AGBL4: variants seen among roughly 807,000 people sequenced by gnomAD.
AGBL4 encodes AGBL carboxypeptidase 4.
In AGBL4, 58 loss-of-function variants were observed where a neutral mutation model predicts 66.4. The ratio of observed to expected loss-of-function variants is 0.87; its 90% confidence interval spans 0.71 to 1.09. The LOEUF (loss-of-function observed/expected upper bound fraction) is 1.09, where lower values mean the gene tolerates loss of function less well. Ranked by LOEUF, AGBL4 falls within the 50% of genes least tolerant of loss-of-function variation. The pLI is 0.00. For missense variants in AGBL4, 579 were observed against 631.0 expected (o/e 0.92, Z 0.88); for synonymous variants, 234 against 222.9 (o/e 1.05, Z -0.44).
chr1:49,432,536 T>C (rs752515797), intron 3 of AGBL4, among the ~76,000 whole-genome samples: 5 of 152,174 alleles, frequency 3.3e-5, no homozygotes, highest in African/African-American at 4.8e-5. Context: ...ATTTTTCCTA[T>C]GTATTCTTGC....
rs542066191 is a variant in AGBL4 at position 49,303,687 on chromosome 1, G to A, written c.283-57823C>T. 5.9e-5 allele frequency among the ~76,000 whole-genome samples: 9 copies of A among 151,854 alleles called. No homozygotes were observed. The South Asian group carries it at 1.9e-3, about 32-fold the overall frequency. On this transcript the variant is annotated intron_variant, in intron 3 of 13. Coordinates refer to ENST00000371839, the MANE Select transcript of AGBL4 (RefSeq NM_032785.4). ...GACAGAGTTTCACCACGTTGGCAAA[G>A]CTGATCTCAAACTCCTGGCCTCAAG...
At chr1:48,671,857 G>C (rs919255726) in intron 6 of AGBL4, among the ~76,000 whole-genome samples, 1 of 152,218 alleles carries the variant, frequency 6.6e-6, no homozygotes, top group African/African-American at 2.4e-5. Context: ...GGTTGAATGA[G>C]TGTACCCAGC....
In AGBL4 at chr1:49,673,443, T is replaced by C. The variant is rs374567403; in HGVS notation, c.282+23870A>G. 1.9e-3 allele frequency among the ~76,000 whole-genome samples: 290 copies of C among 152,312 alleles called. 2 individuals carry two copies. The highest frequency in any genetic ancestry group is 1.0e-2 in the South Asian group (48 of 4,824). The stretch of plus-strand genomic sequence containing the variant: ...AACTTAATTGTATATTTTAAAATAA[T>C]TTAAAGTGTATAATTGCATTGTTTG... On this transcript the variant is annotated intron_variant, in intron 3 of 13. Coordinates refer to ENST00000371839, the MANE Select transcript of AGBL4 (RefSeq NM_032785.4).
At chr1:48,819,094 G>A (rs144575363) in intron 6 of AGBL4, among the ~76,000 whole-genome samples, 82 of 152,278 alleles carry the variant, frequency 5.4e-4, no homozygotes, top group African/African-American at 1.7e-3. Context: ...AAAGAGGCTC[G>A]TACAGACAGT....
At chr1:48,903,484 A>G (rs1242191027) in intron 5 of AGBL4, among the ~76,000 whole-genome samples, 1 of 152,182 alleles carries the variant, frequency 6.6e-6, no homozygotes, top group Non-Finnish European at 1.5e-5. Flanking sequence ...AGAGCTCCCT[A>G]CTTTATCTTG....
chr1:49,926,409 C>A (rs1652776442), intron 1 of AGBL4, among the ~76,000 whole-genome samples: 1 of 152,126 alleles, frequency 6.6e-6, no homozygotes, highest in Non-Finnish European at 1.5e-5. Context: ...CCTGAAAAGC[C>A]TTCCCAAAAA....
intron 3 of AGBL4, among the ~76,000 whole-genome samples, chr1:49,470,375 A>T (rs1176574559): frequency 6.6e-6 from 1 of 152,026 alleles, no homozygotes; most frequent in African/African-American, 2.4e-5. Context: ...ACTATTTGAG[A>T]GAGAGAATAG....
At chr1:49,272,120 G>T (rs2148388278) in intron 3 of AGBL4, among the ~76,000 whole-genome samples, 1 of 152,268 alleles carries the variant, frequency 6.6e-6, no homozygotes, top group Non-Finnish European at 1.5e-5. Context: ...TTAAAAACAT[G>T]CAGTTTAAAT....
chr1:49,238,561 A>G (rs910842605), intron 4 of AGBL4, among the ~76,000 whole-genome samples: 3 of 152,186 alleles, frequency 2.0e-5, no homozygotes, highest in Admixed American at 1.3e-4. Context: ...CAGCAGAACG[A>G]AAGTCCTGTT....
intron 7 of AGBL4, among the ~76,000 whole-genome samples, chr1:48,660,061 C>G (rs1208598528): frequency 1.3e-5 from 2 of 152,242 alleles, no homozygotes; most frequent in Admixed American, 6.5e-5. Flanking sequence ...GGATGGCGCT[C>G]TCACATGGCT....
intron 11 of AGBL4, among the ~76,000 whole-genome samples, chr1:48,574,532 CTTTTCTT>C (rs1644618831): frequency 6.7e-6 from 1 of 149,990 alleles, no homozygotes. Context: ...TTTTTCTTTT[CTTTTCTT>C]TTTTTTTTTT....
At chr1:48,686,399 A>G (rs1177879188) in intron 6 of AGBL4, among the ~76,000 whole-genome samples, 3 of 152,254 alleles carry the variant, frequency 2.0e-5, no homozygotes, top group Non-Finnish European at 4.4e-5. Flanking sequence ...TGCCTGGCAC[A>G]TAGCAGCAGG....
intron 4 of AGBL4, among the ~76,000 whole-genome samples, chr1:49,135,023 C>T (rs1275741016): frequency 6.6e-6 from 1 of 151,662 alleles, no homozygotes; most frequent in African/African-American, 2.4e-5. Flanking sequence ...ATATTGTATG[C>T]ATTCTTTTCC....
chr1:49,935,496 G>C (rs568076759), intron 1 of AGBL4, among the ~76,000 whole-genome samples: 185 of 152,278 alleles, frequency 1.2e-3, no homozygotes, highest in African/African-American at 4.2e-3. Flanking sequence ...TCTCCCAGCA[G>C]GCAGCTGGAG....
At chr1:49,689,375 T>C (rs1423745954) in intron 3 of AGBL4, among the ~76,000 whole-genome samples, 2 of 152,182 alleles carry the variant, frequency 1.3e-5, no homozygotes, top group Non-Finnish European at 2.9e-5. Flanking sequence ...AAAAAGGAGT[T>C]CACTGTAGAT....
At chr1:49,982,167 C>T (rs1357335739) in intron 1 of AGBL4, among the ~76,000 whole-genome samples, 3 of 152,158 alleles carry the variant, frequency 2.0e-5, no homozygotes, top group Admixed American at 6.5e-5. Context: ...AGTAGTATCC[C>T]AACACTACGT....
chr1:49,634,007 C>T (rs907140825), intron 3 of AGBL4, among the ~76,000 whole-genome samples: 1 of 149,360 alleles, frequency 6.7e-6, no homozygotes, highest in Non-Finnish European at 1.5e-5. Flanking sequence ...TTTCAACATA[C>T]TATCAATAAT....
chr1:50,014,536 C>CTTTTT (rs886696766), intron 1 of AGBL4, among the ~76,000 whole-genome samples: 12 of 109,002 alleles, frequency 1.1e-4, no homozygotes, highest in Non-Finnish European at 1.5e-4. Flanking sequence ...CAGAGGATTT[C>CTTTTT]TTTTTTTTTT....
intron 5 of AGBL4, among the ~76,000 whole-genome samples, chr1:48,961,973 A>G (rs1480343011): frequency 6.6e-6 from 1 of 152,154 alleles, no homozygotes; most frequent in East Asian, 1.9e-4. Flanking sequence ...ATTCTGATTC[A>G]ATGGATGAGA....
Sources: allele counts gnomAD v4.1 joint callset (sites outside exome capture counted in the v4.1 genomes callset), GRCh38; gene constraint gnomAD v4.1.1; transcripts MANE v1.5; gene names NCBI Gene and HGNC (gene_info 2026-07-23, HGNC 2026-07-21).